The following FLNA variants were observed in gnomAD, a reference collection of about 807,000 sequenced individuals.
FLNA encodes the protein filamin-A.
Under a neutral mutation model 157.6 loss-of-function variants are expected in FLNA, and 7 were observed. The ratio of observed to expected loss-of-function variants is 0.04; its 90% CI spans 0.03 to 0.08. The LOEUF (loss-of-function observed/expected upper bound fraction) is 0.08, where lower values mean the gene tolerates loss of function less well. Among genes scored for constraint, FLNA ranks in the 10% least tolerant of loss-of-function variants. The pLI is 1.00. For synonymous variants in FLNA, 1,103 were observed against 1,060.8 expected (o/e 1.04, Z -0.77); for missense variants, 1,750 against 2,398.4 (o/e 0.73, Z 5.65).
Position 154,352,865 on chromosome X carries a change from C to T in FLNA, c.6286G>A (p.Asp2096Asn), listed in dbSNP as rs781962577. ...ACCCTGCACGTCCCGTCCTCCAGGTCCTCTGTGTTGATGTCCACCTTGCTG... is the reference window on the plus strand; with the variant it reads ...ACCCTGCACGTCCCGTCCTCCAGGTTCTCTGTGTTGATGTCCACCTTGCTG... ...GPSKVDINTEDLEDGTCRVTY... is the reference protein window; with the variant it reads ...GPSKVDINTENLEDGTCRVTY... Residue 2096 changes from aspartate (D) to asparagine (N), a missense_variant, in exon 39 of 48, where the codon GAC becomes AAC. By Grantham distance (23) the Asp-to-Asn change is conservative (BLOSUM62 1). Around this residue, in one of 5 missense-constraint regions of FLNA, gnomAD observed 970 missense variants for 1,302.6 expected, o/e 0.74. Coordinates refer to ENST00000369850, the MANE Select transcript of FLNA (RefSeq NM_001110556.2). 7.4e-6 allele frequency: 9 copies of T among 1,211,815 alleles called. No individual in the cohort carries two copies. The highest frequency in any genetic ancestry group is 1.8e-5 in the South Asian group (1 of 57,034).
In FLNA at chrX:154,349,695, G is replaced by A. The variant is rs200195310; in HGVS notation, c.7506C>T (p.Gly2502=). ...PGSYLISIKY[G]GPYHIGGSPF... ...GGCTGCCCCCAATGTGGTAGGGGCC[G>A]CCGTACTTGATGGAGATGAGGTAGC... is the stretch of plus-strand genomic sequence containing the variant. The change falls in exon 46 of 48, where the codon GGC becomes GGT. Residue 2502 remains glycine (G), a synonymous_variant. Coordinates refer to ENST00000369850, the MANE Select transcript of FLNA (RefSeq NM_001110556.2). 344 of 1,210,955 alleles carry A rather than the reference G, an allele frequency of 2.8e-4. 1 individual carries two copies. The African/African-American group carries it at 4.4e-3, about 16-fold the overall frequency.
intron 15 of FLNA, among the ~76,000 whole-genome samples, chrX:154,363,277 ATGG>A (rs1156691461): frequency 1.8e-5 from 2 of 111,292 alleles, no homozygotes; most frequent in African/African-American, 6.5e-5. Flanking sequence ...TTAGCTGGGA[ATGG>A]TGGCGTATGC....
chrX:154,358,213 C>T lies in FLNA; in HGVS notation c.4741G>A (p.Ala1581Thr), dbSNP rs1557177228. ...DAKDAGEGLL[A>T]VQITDPEGKP... ...CCGGAGCTCACCGTGATCTGGACAG[C>T]CAGCAGGCCCTCCCCGGCGTCCTTT... is the stretch of plus-strand genomic sequence containing the variant. The change falls in exon 28 of 48, where the codon GCT (alanine) becomes ACT (threonine). Residue 1581 changes from alanine to threonine, a missense_variant. Ala to Thr is a moderately conservative substitution (Grantham distance 58). Around this residue, in one of 5 missense-constraint regions of FLNA, gnomAD observed 970 missense variants for 1,302.6 expected, o/e 0.74. Coordinates refer to ENST00000369850, the MANE Select transcript of FLNA (RefSeq NM_001110556.2). 1 of 1,210,818 alleles carries T rather than the reference C, an allele frequency of 8.3e-7. No homozygotes were observed. Among genetic ancestry groups the T allele is most frequent in the Non-Finnish European group, 1.1e-6 (1 of 895,306 alleles).
At position 154,362,235 on chromosome X, in the gene FLNA, T is replaced by C; in HGVS notation, c.2656+7A>G. 2.5e-6 allele frequency: 3 copies of C among 1,209,346 alleles called. No homozygotes were observed. Among genetic ancestry groups the C allele is most frequent in the Non-Finnish European group, 3.4e-6 (3 of 893,625 alleles). The stretch of plus-strand genomic sequence containing the variant: ...CCCGCAACCTGCCATGGGGTACCTG[T>C]CCTCACCAGTGCGACTGAGGCCAGG... On this transcript the variant is annotated splice_region_variant and intron_variant, in intron 18 of 47. Coordinates refer to ENST00000369850, the MANE Select transcript of FLNA (RefSeq NM_001110556.2).
chrX:154,373,962 A>C (rs1442658725), intron 1 of FLNA, among the ~76,000 whole-genome samples: 3 of 113,010 alleles, frequency 2.7e-5, no homozygotes, highest in Non-Finnish European at 5.6e-5. Flanking sequence ...CCCAGGGCCC[A>C]ACCAAGGAAC....
intron 36 of FLNA, 41 bp downstream of exon 36, chrX:154,353,513 C>A (rs2067638601): frequency 8.3e-7 from 1 of 1,209,675 alleles, no homozygotes; most frequent in South Asian, 1.8e-5. Flanking sequence ...ACCATGCCCA[C>A]CCTGCCACCC....
At chrX:154,370,785 G>A (rs2067800114) in intron 2 of FLNA, 88 bp downstream of exon 2, 1 of 1,007,394 alleles carries the variant, frequency 9.9e-7, no homozygotes, top group Non-Finnish European at 1.4e-6. Flanking sequence ...GCCCGGAAGG[G>A]GGTGGTTTGG....
chrX:154,368,139 G>A, intron 2 of FLNA, 49 bp from the exon 3 acceptor site: 1 of 1,208,784 alleles, frequency 8.3e-7, no homozygotes. Context: ...TGCGGGAGGG[G>A]CCGATCCCAG....
At position 154,360,366 on chromosome X, in the gene FLNA, G is replaced by A; in HGVS notation, c.3429C>T (p.Thr1143=). ...CCTTGAATGGGGAGCCAGGGATGTG[G>A]GTGTCAGCGAAGAGGATGTTGATGT... is the stretch of plus-strand genomic sequence containing the variant. The part of the protein sequence containing the change: ...DYNINILFAD[T]HIPGSPFKAH... The change falls in exon 22 of 48, where the codon ACC becomes ACT. Residue 1143 remains threonine (T), a synonymous_variant. Coordinates refer to ENST00000369850, the MANE Select transcript of FLNA (RefSeq NM_001110556.2). 1 of 1,211,556 alleles carries A rather than the reference G, an allele frequency of 8.3e-7. No homozygotes were observed. Among genetic ancestry groups the A allele is most frequent in the Non-Finnish European group, 1.1e-6 (1 of 895,534 alleles).
chrX:154,361,313 T>C lies in FLNA; in HGVS notation c.3202A>G (p.Ser1068Gly), dbSNP rs1027738208. The C allele has an allele frequency of 3.3e-6, 4 of 1,207,243 alleles. No homozygotes were observed. The highest frequency in any genetic ancestry group is 4.5e-6 in the Non-Finnish European group (4 of 894,659). ...GCCTCCCATACCCCAATTACCTTGC[T>C]AGGCTTGGTGGGGGCCACAGCTTCC... ...PLEAVAPTKP[S>G]KVKAFGPGLQ... The change falls in exon 21 of 48, where the codon AGC becomes GGC. Residue 1068 changes from serine to glycine, a missense_variant. By Grantham distance (56) the Ser-to-Gly change is moderately conservative. This residue lies in a region of FLNA where 648 missense variants were observed against 805.8 expected (regional missense o/e 0.80). Coordinates refer to ENST00000369850, the MANE Select transcript of FLNA (RefSeq NM_001110556.2).
Position 154,358,999 on chromosome X carries a change from C to T in FLNA, c.4459G>A (p.Val1487Met), listed in dbSNP as rs782520516. The T allele has an allele frequency of 8.3e-7, 1 of 1,211,418 alleles. No individual in the cohort carries two copies. The highest frequency in any genetic ancestry group is 1.1e-6 in the Non-Finnish European group (1 of 895,500). The change falls in exon 26 of 48, where the codon GTG becomes ATG. Residue 1487 changes from valine (V) to methionine (M), a missense_variant. Val to Met is a conservative substitution (Grantham distance 21). Around this residue, in one of 5 missense-constraint regions of FLNA, gnomAD observed 970 missense variants for 1,302.6 expected, o/e 0.74. Coordinates refer to ENST00000369850, the MANE Select transcript of FLNA (RefSeq NM_001110556.2). ...KAGVAPLQVK[V>M]QGPKGLVEPV... is the part of the protein sequence containing the mutation. ...AAACACTCACCTTTGGGCCCTTGCA[C>T]TTTGACCTGCAATGGGGCCACACCA...
At chrX:154,351,228 C>T (rs2067616350) in intron 43 of FLNA, 187 bp from the exon 44 acceptor site, 1 of 487,336 alleles carries the variant, frequency 2.1e-6, no homozygotes, top group Non-Finnish European at 3.6e-6. Context: ...GCCCCTGCCC[C>T]CACACTCTGC....
Position 154,359,516 on chromosome X carries a change from G to C in FLNA, c.4110C>G (p.Thr1370=), listed in dbSNP as rs782724409. ...VHGPGIQSGT[T]NKPNKFTVET... is the part of the protein sequence containing the mutation. The stretch of plus-strand genomic sequence containing the variant: ...CCACAGTGAACTTGTTGGGCTTGTT[G>C]GTGGTGCCACTTTGGATGCCTGGCC... Residue 1370 remains threonine (T), a synonymous_variant, in exon 24 of 48, where the codon ACC becomes ACG. Coordinates refer to ENST00000369850, the MANE Select transcript of FLNA (RefSeq NM_001110556.2). The C allele has an allele frequency of 1.7e-6, 2 of 1,211,648 alleles. No homozygotes were observed.
At position 154,350,977 on chromosome X, in the gene FLNA, G is replaced by A; in HGVS notation, c.7088C>T (p.Ala2363Val). ...FAVSLNGAKG[A>V]IDAKVHSPSG... ...GGGGCTGTGCACCTTGGCATCGATCGCCCCCTTGGCCCCGTTCAGGCTGAC... is the reference window on the plus strand; with the variant it reads ...GGGGCTGTGCACCTTGGCATCGATCACCCCCTTGGCCCCGTTCAGGCTGAC... Residue 2363 changes from alanine (A) to valine (V), a missense_variant, in exon 44 of 48, where the codon GCG becomes GTG. Coordinates refer to ENST00000369850, the MANE Select transcript of FLNA (RefSeq NM_001110556.2). 4 of 1,209,998 alleles carry A rather than the reference G, an allele frequency of 3.3e-6. No homozygotes were observed. The highest frequency in any genetic ancestry group is 5.9e-5 in the East Asian group (2 of 33,842).
chrX:154,366,646 T>A lies in FLNA; in HGVS notation c.988-7A>T. 8.3e-7 allele frequency: 1 copy of A among 1,210,279 alleles called. No individual in the cohort carries two copies. Among genetic ancestry groups the A allele is most frequent in the Non-Finnish European group, 1.1e-6 (1 of 893,900 alleles). Reference sequence around the variant, plus strand: ...TATTGGCGGTCACTTTTGCCTGCAGTGGGAAGGAGCCTGTGAGCCTTTGCT... The same window carrying A: ...TATTGGCGGTCACTTTTGCCTGCAGAGGGAAGGAGCCTGTGAGCCTTTGCT... On this transcript the variant is annotated splice_polypyrimidine_tract_variant and splice_region_variant and intron_variant, in intron 6 of 47. Coordinates refer to ENST00000369850, the MANE Select transcript of FLNA (RefSeq NM_001110556.2).
rs376461465 is a variant in FLNA at position 154,351,987 on chromosome X, A to G, written c.6804T>C (p.Ala2268=). 1.0e-4 allele frequency: 121 copies of G among 1,210,657 alleles called. No individual in the cohort carries two copies. The highest frequency in any genetic ancestry group is 1.3e-4 in the Non-Finnish European group (114 of 895,376). ...CCTCGACAGCAATGGCCAGGCCTCC[A>G]GCACCAGCTTCCCGGGTCCAGATAC... ...EFSIWTREAG[A]GGLAIAVEGP... Residue 2268 remains alanine (A), a synonymous_variant, in exon 42 of 48, where the codon GCT becomes GCC. Transcript: ENST00000369850.
Position 154,364,384 on chromosome X carries a change from C to G in FLNA, c.2023-12G>C, listed in dbSNP as rs782249339. Reference sequence around the variant, plus strand: ...CCACGTGCCTTCACCTAGCGGGAGACCACCCAGCTGTCAGGGGGCCAGGTC... The same window carrying G: ...CCACGTGCCTTCACCTAGCGGGAGAGCACCCAGCTGTCAGGGGGCCAGGTC... On this transcript the variant is annotated splice_polypyrimidine_tract_variant and intron_variant, in intron 13 of 47. Coordinates refer to ENST00000369850, the MANE Select transcript of FLNA (RefSeq NM_001110556.2). The G allele has an allele frequency of 8.3e-7, 1 of 1,201,153 alleles. No individual in the cohort carries two copies. The highest frequency in any genetic ancestry group is 1.8e-5 in the African/African-American group (1 of 56,712).
At chrX:154,370,394 C>G (rs1198889760) in intron 2 of FLNA, among the ~76,000 whole-genome samples, 2 of 112,174 alleles carry the variant, frequency 1.8e-5, no homozygotes, top group African/African-American at 6.5e-5. Context: ...TCCAGGGACA[C>G]AAAGAGCCCA....
At chrX:154,362,835 C>T (rs1312638416) in intron 15 of FLNA, 51 bp from the exon 16 acceptor site, 3 of 1,149,543 alleles carry the variant, frequency 2.6e-6, no homozygotes, top group Non-Finnish European at 3.5e-6. Flanking sequence ...GGAGGAGACT[C>T]AGAAGCTCCC....
Sources: allele counts gnomAD v4.1 joint callset (sites outside exome capture counted in the v4.1 genomes callset), GRCh38; gene constraint gnomAD v4.1.1; regional missense constraint gnomAD v4.1.1; transcripts MANE v1.5; gene names NCBI Gene and HGNC (gene_info 2026-07-23, HGNC 2026-07-21).